Variants in YIPF6 observed in about 807,000 individuals in gnomAD.
The protein encoded by YIPF6 is protein YIPF6.
YIPF6 carries 3 observed loss-of-function variants against 16.8 expected under a neutral mutation model. That is an observed-to-expected ratio of 0.18 (90% CI 0.08 to 0.46). YIPF6 has a LOEUF of 0.46. YIPF6 is among the 20% of genes least tolerant of loss of function. The pLI, the probability that YIPF6 is intolerant of heterozygous loss-of-function variation, is 0.98. For synonymous variants in YIPF6, 67 were observed against 61.9 expected (o/e 1.08, Z -0.38); for missense variants, 145 against 184.9 (o/e 0.78, Z 1.25).
At chrX:68,512,511 C>T (rs1232262122) in intron 2 of YIPF6, among the ~76,000 whole-genome samples, 2 of 111,643 alleles carry the variant, frequency 1.8e-5, no homozygotes, top group African/African-American at 3.3e-5. Flanking sequence ...TATTATCATA[C>T]TTCTCCAAAT....
chrX:68,502,859 C>T (rs771612379), intron 1 of YIPF6, among the ~76,000 whole-genome samples: 157 of 103,710 alleles, frequency 1.5e-3, no homozygotes, highest in African/African-American at 5.3e-3. Context: ...CGGAGTTTTG[C>T]TCTTGTTGCC....
intron 1 of YIPF6, among the ~76,000 whole-genome samples, chrX:68,504,519 G>A (rs1472261663): frequency 4.5e-5 from 5 of 111,596 alleles, no homozygotes; most frequent in Non-Finnish European, 9.4e-5. Flanking sequence ...AACTACCAGA[G>A]CCCCTGTGAA....
rs1202364051 is a variant in YIPF6, at chrX:68,534,400, A to C, written c.*2401A>C. ...CATGATGTTAACATCATTCTCGAAC[A>C]GTTGTTGGCCGAAGATTCATTTGAT... On this transcript the variant is annotated 3_prime_UTR_variant, in exon 7 of 7. Coordinates refer to ENST00000462683, the MANE Select transcript of YIPF6 (RefSeq NM_173834.4). 1 of 111,602 alleles carries C rather than the reference A, an allele frequency of 9.0e-6. No homozygotes were observed. The highest frequency in any genetic ancestry group is 3.3e-5 in the African/African-American group (1 of 30,672). The allele number at this position is 111,602 out of a possible 1,213,427, so 9.2% of individuals were successfully genotyped here.
chrX:68,501,736 A>G (rs1232737342), intron 1 of YIPF6, among the ~76,000 whole-genome samples: 1 of 112,131 alleles, frequency 8.9e-6, no homozygotes, highest in African/African-American at 3.2e-5. Flanking sequence ...ATATTTATAG[A>G]ACAACACTTT....
intron 1 of YIPF6, among the ~76,000 whole-genome samples, chrX:68,509,892 TATTGCTTC>T (rs2079073733): frequency 8.9e-6 from 1 of 111,917 alleles, no homozygotes; most frequent in Non-Finnish European, 1.9e-5. Flanking sequence ...CCCTTGCGTC[TATTGCTTC>T]CAGGGATTCT....
At chrX:68,522,965 T>C in intron 6 of YIPF6, 48 bp downstream of exon 6, 2 of 1,190,469 alleles carry the variant, frequency 1.7e-6, no homozygotes, top group Non-Finnish European at 2.3e-6. Context: ...AAAAACATGA[T>C]TTAATGATGA....
chrX:68,525,093 C>T (rs760307545), intron 6 of YIPF6, among the ~76,000 whole-genome samples: 25 of 112,122 alleles, frequency 2.2e-4, no homozygotes, highest in Non-Finnish European at 4.1e-4. Context: ...AACTAATTTA[C>T]ACTCCCACCA....
intron 1 of YIPF6, among the ~76,000 whole-genome samples, chrX:68,507,168 C>T (rs2079063068): frequency 8.9e-6 from 1 of 111,848 alleles, no homozygotes; most frequent in African/African-American, 3.3e-5. Context: ...CAACAGAAAC[C>T]ATATGGCTCT....
chrX:68,521,869 C>G (rs970752095), intron 5 of YIPF6, among the ~76,000 whole-genome samples: 5 of 110,745 alleles, frequency 4.5e-5, no homozygotes, highest in African/African-American at 1.6e-4. Flanking sequence ...GCTGGGATTA[C>G]AGGCATGAGC....
intron 3 of YIPF6, chrX:68,514,196 C>A (rs1478601825): frequency 1.0e-5 from 1 of 99,949 alleles, no homozygotes; most frequent in African/African-American, 3.7e-5. Flanking sequence ...GCCACTGCAC[C>A]CTAGCCTGGG....
rs980611649 is a variant in YIPF6, at chrX:68,533,514, A to G, written c.*1515A>G. The stretch of plus-strand genomic sequence containing the variant: ...TTTATTCATTTTGTATTTAAAGACT[A>G]CCTACACATAGATATATGATTCCAA... On this transcript the variant is annotated 3_prime_UTR_variant, in exon 7 of 7. Transcript: ENST00000462683. 2 of 111,914 alleles carry G rather than the reference A, an allele frequency of 1.8e-5. No individual in the cohort carries two copies. The highest frequency in any genetic ancestry group is 1.9e-4 in the Admixed American group (2 of 10,499). 9.2% of individuals were successfully genotyped at this position (111,914 alleles called of 1,213,427 possible).
At chrX:68,508,637 A>G (rs2079068732) in intron 1 of YIPF6, among the ~76,000 whole-genome samples, 1 of 112,090 alleles carries the variant, frequency 8.9e-6, no homozygotes, top group Non-Finnish European at 1.9e-5. Context: ...ATCTGTTACT[A>G]TGTTCATGTA....
In YIPF6 at chrX:68,534,681, AAAG is replaced by A. The variant is rs1395419188; in HGVS notation, c.*2683_*2685del. On this transcript the variant is annotated 3_prime_UTR_variant, in exon 7 of 7. Coordinates refer to ENST00000462683, the MANE Select transcript of YIPF6 (RefSeq NM_173834.4). Reference sequence around the variant, plus strand: ...TAAATATTTTCTTAATATATTCAAAAAAGTGCATTGCTTTCTGTGATGGAAGTT... The same window carrying A: ...TAAATATTTTCTTAATATATTCAAAATGCATTGCTTTCTGTGATGGAAGTT... 8.9e-6 allele frequency: 1 copy of A among 112,117 alleles called. No homozygotes were observed. Among genetic ancestry groups the A allele is most frequent in the African/African-American group, 3.2e-5 (1 of 30,849 alleles). 9.2% of individuals were successfully genotyped at this position (112,117 alleles called of 1,213,427 possible). A position where few individuals can be genotyped will look rare whatever the true frequency, so the allele number is the denominator to read the frequency against.
chrX:68,519,311 T>C (rs999210160), intron 4 of YIPF6, among the ~76,000 whole-genome samples: 6 of 110,612 alleles, frequency 5.4e-5, no homozygotes, highest in Admixed American at 1.9e-4. Context: ...AATATAACCA[T>C]TGATAGAGCG....
intron 1 of YIPF6, among the ~76,000 whole-genome samples, chrX:68,506,856 A>G (rs2079061784): frequency 9.0e-6 from 1 of 111,082 alleles, no homozygotes; most frequent in South Asian, 3.8e-4. Flanking sequence ...CTGAAGGGAC[A>G]CTCTCACCTC....
intron 1 of YIPF6, 65 bp from the exon 2 acceptor site, chrX:68,511,784 A>T: frequency 8.9e-7 from 1 of 1,122,544 alleles, no homozygotes; most frequent in Non-Finnish European, 1.2e-6. Context: ...CTAGGAAATG[A>T]TGATATATAT....
In YIPF6 at chrX:68,536,771, C is replaced by A. The variant is rs2147830639; in HGVS notation, c.*4772C>A. 8.9e-6 allele frequency: 1 copy of A among 111,966 alleles called. No individual in the cohort carries two copies. Among genetic ancestry groups the A allele is most frequent in the South Asian group, 3.8e-4 (1 of 2,666 alleles). The allele number at this position is 111,966 out of a possible 1,213,427, so 9.2% of individuals were successfully genotyped here. A position where few individuals can be genotyped will look rare whatever the true frequency, so the allele number is the denominator to read the frequency against. On this transcript the variant is annotated 3_prime_UTR_variant, in exon 7 of 7. Transcript: ENST00000462683. ...CCTCATCCCTCCTTGAACCTCTTTTCTCTCCCGCTTCCACCACCACCACAC... is the reference window on the plus strand; with the variant it reads ...CCTCATCCCTCCTTGAACCTCTTTTATCTCCCGCTTCCACCACCACCACAC...
At chrX:68,527,988 T>C (rs2079155787) in intron 6 of YIPF6, among the ~76,000 whole-genome samples, 1 of 111,417 alleles carries the variant, frequency 9.0e-6, no homozygotes. Flanking sequence ...GGGGTAGATA[T>C]CTTTTAGGTC....
intron 6 of YIPF6, among the ~76,000 whole-genome samples, chrX:68,525,601 G>A (rs1316210253): frequency 9.0e-6 from 1 of 111,720 alleles, no homozygotes; most frequent in Non-Finnish European, 1.9e-5. Context: ...TTTCTTGTAG[G>A]GTTTTTATGG....
Sources: allele counts gnomAD v4.1 joint callset (sites outside exome capture counted in the v4.1 genomes callset), GRCh38; gene constraint gnomAD v4.1.1; transcripts MANE v1.5; gene names NCBI Gene and HGNC (gene_info 2026-07-23, HGNC 2026-07-21).